ANKRD24: variants seen among roughly 807,000 people sequenced by gnomAD.
ANKRD24 encodes the protein ankyrin repeat domain 24.
Under a neutral mutation model 127.8 loss-of-function variants are expected in ANKRD24, and 109 were observed. The ratio of observed to expected loss-of-function variants is 0.85; its 90% CI spans 0.73 to 1.00. The LOEUF (loss-of-function observed/expected upper bound fraction) is 1.00. ANKRD24 is among the 50% of genes least tolerant of loss of function. ANKRD24 has a pLI of 0.00. For missense variants in ANKRD24, 1,648 were observed against 1,570.2 expected, an observed-to-expected ratio of 1.05 and a Z score of -0.84; for synonymous variants, 743 against 671.1, an observed-to-expected ratio of 1.11 and a Z score of -1.66.
intron 7 of ANKRD24, among the ~76,000 whole-genome samples, chr19:4,205,253 A>C (rs777878984): frequency 1.3e-5 from 2 of 152,108 alleles, no homozygotes; most frequent in Admixed American, 6.5e-5. Flanking sequence ...CAACCAACCA[A>C]CAACAACAAC....
At chr19:4,188,368 C>T (rs1272015728) in intron 2 of ANKRD24, among the ~76,000 whole-genome samples, 1 of 145,424 alleles carries the variant, frequency 6.9e-6, no homozygotes, top group African/African-American at 2.5e-5. Context: ...TGAGCCACCA[C>T]GCTTGGTCCA....
Position 4,212,682 on chromosome 19 carries a change from G to C in ANKRD24, c.1181G>C (p.Arg394Pro), listed in dbSNP as rs1359758846. The C allele has an allele frequency of 1.3e-6, 2 of 1,550,972 alleles. No homozygotes were observed. The highest frequency in any genetic ancestry group is 8.7e-7 in the Non-Finnish European group (1 of 1,146,996). Residue 394 changes from arginine to proline, a missense_variant, in exon 15 of 22, where the codon CGG becomes CCG. Physicochemically the swap from Arg to Pro is moderately radical, Grantham distance 103 (BLOSUM62 -2). Transcript: ENST00000318934. ...CGGGAGGTGGAGAGTTTGCAGAGCC[G>C]GCTGTCCCTGCTGGAGGTAGGAGCA... The part of the protein sequence containing the change: ...LGREVESLQS[R>P]LSLLENEREN...
At chr19:4,194,152 A>T (rs1407758046) in intron 2 of ANKRD24, among the ~76,000 whole-genome samples, 2 of 152,042 alleles carry the variant, frequency 1.3e-5, no homozygotes, top group African/African-American at 4.8e-5. Flanking sequence ...GGACACTGAA[A>T]TGTGAATTGT....
chr19:4,217,613 C>T lies in ANKRD24; in HGVS notation c.2453C>T (p.Ala818Val). ...GCGGCCTCGGCCTGCCTGGATGAGG[C>T]TCGGGCCAGCCGGCTGCTGGCGGAG... Reference protein sequence around the residue: ...LEAASACLDEARASRLLAEEE... With the variant: ...LEAASACLDEVRASRLLAEEE... Residue 818 changes from alanine (A) to valine (V), a missense_variant, in exon 18 of 22, where the codon GCT becomes GTT. Physicochemically the swap from Ala to Val is moderately conservative, Grantham distance 64. Coordinates refer to ENST00000318934, the MANE Select transcript of ANKRD24 (RefSeq NM_001393985.1). 1.5e-6 allele frequency: 2 copies of T among 1,292,322 alleles called. No individual in the cohort carries two copies. Among genetic ancestry groups the T allele is most frequent in the Non-Finnish European group, 2.0e-6 (2 of 1,023,832 alleles). 80.1% of individuals were successfully genotyped at this position (1,292,322 alleles called of 1,614,324 possible).
At chr19:4,183,491 G>T in intron 1 of ANKRD24, 1 of 363,488 alleles carries the variant, frequency 2.8e-6, no homozygotes, top group Non-Finnish European at 3.8e-6. Flanking sequence ...ATGGTGACAT[G>T]GTGTGGTTGG....
chr19:4,201,939 T>A, intron 5 of ANKRD24, 87 bp from the exon 6 acceptor site: 1 of 1,168,156 alleles, frequency 8.6e-7, no homozygotes, highest in Non-Finnish European at 1.3e-6. Flanking sequence ...ACTCAGAAAC[T>A]CATCACAAGT....
chr19:4,200,254 G>A, intron 5 of ANKRD24, 83 bp downstream of exon 5: 1 of 1,395,996 alleles, frequency 7.2e-7, no homozygotes, highest in East Asian at 2.5e-5. Context: ...CCTGCTCCCA[G>A]GTCTCAATGT....
Position 4,216,360 on chromosome 19 carries a change from T to G in ANKRD24, c.1347T>G (p.Ala449=). Residue 449 remains alanine, a synonymous_variant, in exon 17 of 22, where the codon GCT becomes GCG. Transcript: ENST00000318934. Reference sequence around the variant, plus strand: ...TGGCCTCGCTGCAGGAACAGGTGGCTGTGCTCACCAGACAGAACCAGGAAC... The same window carrying G: ...TGGCCTCGCTGCAGGAACAGGTGGCGGTGCTCACCAGACAGAACCAGGAAC... ...EHLASLQEQV[A]VLTRQNQELM... 6.4e-7 allele frequency: 1 copy of G among 1,573,872 alleles called. No individual in the cohort carries two copies. The highest frequency in any genetic ancestry group is 1.4e-5 in the African/African-American group (1 of 74,034).
In ANKRD24 at chr19:4,199,733, C is replaced by T; in HGVS notation, c.87C>T (p.Cys29=). ...GCTCCTGCCCGCCCTGCGGCCCCTG[C>T]CCCATCCCGAAGCCGGCAGCCAGAG... ...DLGSCPPCGP[C]PIPKPAARGR... is the part of the protein sequence containing the mutation. The change falls in exon 3 of 22, where the codon TGC becomes TGT. Residue 29 remains cysteine, a synonymous_variant. Transcript: ENST00000318934. This position sits in a 1 kb window ranked among gnomAD's most constrained non-coding sequence, Gnocchi z 5.2. The T allele has an allele frequency of 2.0e-6, 3 of 1,538,330 alleles. No homozygotes were observed. Among genetic ancestry groups the T allele is most frequent in the Non-Finnish European group, 1.7e-6 (2 of 1,144,826 alleles).
chr19:4,206,789 A>G (rs1326973014), intron 7 of ANKRD24, among the ~76,000 whole-genome samples: 2 of 152,156 alleles, frequency 1.3e-5, no homozygotes, highest in African/African-American at 4.8e-5. Flanking sequence ...CAAATTCCTC[A>G]GGGCACATGG....
intron 18 of ANKRD24, among the ~76,000 whole-genome samples, chr19:4,218,844 T>C (rs1599467320): frequency 6.8e-6 from 1 of 147,398 alleles, no homozygotes; most frequent in East Asian, 2.1e-4. Context: ...CATAGCTCAC[T>C]GCAACCTCCA....
chr19:4,183,202 A>G (rs1435456986), intron 1 of ANKRD24, among the ~76,000 whole-genome samples: 1 of 151,824 alleles, frequency 6.6e-6, no homozygotes, highest in Non-Finnish European at 1.5e-5. Context: ...CTGGTCCCGA[A>G]CTCCTGACCT....
At chr19:4,194,813 C>G (rs370220336) in intron 2 of ANKRD24, among the ~76,000 whole-genome samples, 376 of 152,222 alleles carry the variant, frequency 2.5e-3, no homozygotes, top group African/African-American at 8.6e-3. Context: ...AGGGGCAGAA[C>G]AGGACACAGT....
chr19:4,203,633 G>A (rs1969219524), intron 7 of ANKRD24, among the ~76,000 whole-genome samples: 1 of 152,060 alleles, frequency 6.6e-6, no homozygotes, highest in South Asian at 2.1e-4. Flanking sequence ...ACAGGCGTGA[G>A]CCACCTCACC....
At chr19:4,197,733 A>G (rs1243452431) in intron 2 of ANKRD24, among the ~76,000 whole-genome samples, 2 of 152,178 alleles carry the variant, frequency 1.3e-5, no homozygotes, top group Non-Finnish European at 2.9e-5. Context: ...GGGTGAGCGA[A>G]TAAACAAATG....
chr19:4,216,173 A>T, intron 16 of ANKRD24, 111 bp from the exon 17 acceptor site: 1 of 1,402,538 alleles, frequency 7.1e-7, no homozygotes, highest in African/African-American at 1.4e-5. Context: ...CGTTTTTTAA[A>T]TTCTGCTTGG....
Position 4,216,796 on chromosome 19 carries a change from C to T in ANKRD24, c.1636C>T (p.Leu546=), listed in dbSNP as rs753873434. The T allele has an allele frequency of 1.9e-6, 3 of 1,602,032 alleles. No individual in the cohort carries two copies. The highest frequency in any genetic ancestry group is 2.3e-5 in the East Asian group (1 of 44,360). The change falls in exon 18 of 22, where the codon CTA becomes TTA. Residue 546 remains leucine (L), a synonymous_variant. Coordinates refer to ENST00000318934, the MANE Select transcript of ANKRD24 (RefSeq NM_001393985.1). The stretch of plus-strand genomic sequence containing the variant: ...CAAAAACGGGCCAACCCACATGGAG[C>T]TAAATGGCTCAGTGGCTCCAGAAAC... ...ATKNGPTHME[L]NGSVAPETKV...
intron 15 of ANKRD24, among the ~76,000 whole-genome samples, chr19:4,213,088 A>G (rs564833519): frequency 1.3e-5 from 2 of 152,192 alleles, no homozygotes; most frequent in African/African-American, 4.8e-5. Flanking sequence ...CTGAGGTCGC[A>G]CCACTGCACT....
intron 2 of ANKRD24, among the ~76,000 whole-genome samples, chr19:4,191,039 TG>T (rs775166418): frequency 6.6e-6 from 1 of 152,036 alleles, no homozygotes; most frequent in African/African-American, 2.4e-5. Flanking sequence ...ACAGGATAGG[TG>T]TTAAAACCTC....
Sources: allele counts gnomAD v4.1 joint callset (sites outside exome capture counted in the v4.1 genomes callset), GRCh38; gene constraint gnomAD v4.1.1; non-coding constraint Gnocchi (gnomAD v3.1); transcripts MANE v1.5; gene names NCBI Gene and HGNC (gene_info 2026-07-23, HGNC 2026-07-21).